TUSC3: variants seen among roughly 807,000 people sequenced by gnomAD.
TUSC3 encodes tumor suppressor candidate 3.
Under a neutral mutation model 44.8 loss-of-function variants are expected in TUSC3, and 45 were observed. The observed-to-expected ratio is 1.00, with a 90% CI of 0.79 to 1.29. The LOEUF (loss-of-function observed/expected upper bound fraction) is 1.29, where lower values mean the gene tolerates loss of function less well. Among genes scored for constraint, TUSC3 ranks in the 50% most tolerant of loss-of-function variants. The pLI is 0.00. For synonymous variants in TUSC3, 212 were observed against 152.9 expected, an observed-to-expected ratio of 1.39 and a Z score of -2.85; for missense variants, 519 against 437.9, an observed-to-expected ratio of 1.19 and a Z score of -1.65.
At chr8:15,496,918 A>C (rs1273600829) in intron 2 of TUSC3, among the ~76,000 whole-genome samples, 1 of 151,798 alleles carries the variant, frequency 6.6e-6, no homozygotes, top group African/African-American at 2.4e-5. Context: ...TTATTCATTC[A>C]TTGCACGAAT....
intron 1 of TUSC3, among the ~76,000 whole-genome samples, chr8:15,551,314 T>G (rs1280886837): frequency 6.6e-6 from 1 of 151,740 alleles, no homozygotes. Context: ...AATATGGTAA[T>G]AGAATGATTT....
intron 2 of TUSC3, among the ~76,000 whole-genome samples, chr8:15,526,479 G>T (rs1398575382): frequency 6.6e-6 from 1 of 152,136 alleles, no homozygotes; most frequent in East Asian, 1.9e-4. Context: ...ATTGTGGGAG[G>T]GACCCAGTGG....
rs558978122 is a variant in TUSC3, at chr8:15,722,253, T to C, written c.799-8413T>C. 3.8e-4 allele frequency among the ~76,000 whole-genome samples: 57 copies of C among 151,554 alleles called. No homozygotes were observed. The South Asian group carries it at 8.9e-3, about 24-fold the overall frequency. On this transcript the variant is annotated intron_variant, in intron 6 of 10. Coordinates refer to ENST00000503731, the MANE Select transcript of TUSC3 (RefSeq NM_006765.4). ...ATTGATGGGTTTTGTTTCTTTCTTT[T>C]TTTTTTTTTTCCTTTACCTACAACA...
chr8:15,590,453 T>TTC (rs1170092135), intron 1 of TUSC3, among the ~76,000 whole-genome samples: 2 of 152,108 alleles, frequency 1.3e-5, no homozygotes, highest in Admixed American at 1.3e-4. Context: ...TCTAACTTTC[T>TTC]TCTCTCTCCC....
the TUSC3 span, among the ~76,000 whole-genome samples, chr8:15,842,379 T>C: frequency 3.9e-5 from 6 of 152,292 alleles, no homozygotes; most frequent in South Asian, 1.2e-3. Flanking sequence ...AAGATTAAAC[T>C]TGATATTGTA....
At chr8:15,555,162 T>G (rs13252787) in intron 1 of TUSC3, among the ~76,000 whole-genome samples, 3,119 of 63,270 alleles carry the variant, frequency 0.049, 42 homozygotes, top group East Asian at 0.13. Flanking sequence ...TTTTTTTTTT[T>G]GGGGGGGACG....
intron 7 of TUSC3, among the ~76,000 whole-genome samples, chr8:15,738,827 C>CTTTTTTTTTTCTTTCTTTCTTTTTTTTTT (rs1373248681): frequency 2.3e-5 from 2 of 87,172 alleles, no homozygotes; most frequent in Non-Finnish European, 4.2e-5. Flanking sequence ...ATATATCTTG[C>CTTTTTTTTTTCTTTCTTTCTTTTTTTTTT]TTTTTTTTTT....
At chr8:15,740,626 CTTATCAGTTT>C (rs1811152399) in intron 7 of TUSC3, among the ~76,000 whole-genome samples, 1 of 152,000 alleles carries the variant, frequency 6.6e-6, no homozygotes, top group African/African-American at 2.4e-5. Flanking sequence ...AACTCTTTTC[CTTATCAGTTT>C]GATAAAATCA....
chr8:15,523,660 ATATATGTG>A (rs1236073802), intron 2 of TUSC3, among the ~76,000 whole-genome samples: 3 of 16,400 alleles, frequency 1.8e-4, no homozygotes, highest in Admixed American at 8.8e-4. Flanking sequence ...ATATATATAT[ATATATGTG>A]TGTGTGTGTG....
At chr8:15,607,202 T>A (rs1341066585) in intron 1 of TUSC3, among the ~76,000 whole-genome samples, 1 of 152,092 alleles carries the variant, frequency 6.6e-6, no homozygotes. Flanking sequence ...GTTAATTCTA[T>A]TTCTGTATTT....
chr8:15,518,861 A>T (rs1475510632), intron 2 of TUSC3, among the ~76,000 whole-genome samples: 2 of 152,170 alleles, frequency 1.3e-5, no homozygotes, highest in African/African-American at 4.8e-5. Context: ...ATATAATCCC[A>T]TTTTAAAATA....
At chr8:15,426,251 A>G (rs1212813579) in intron 1 of TUSC3, among the ~76,000 whole-genome samples, 2 of 152,136 alleles carry the variant, frequency 1.3e-5, no homozygotes, top group African/African-American at 2.4e-5. Context: ...TTCTCTGTGA[A>G]AAGAACACCT....
chr8:15,776,770 G>A, the TUSC3 span, among the ~76,000 whole-genome samples: 1 of 151,880 alleles, frequency 6.6e-6, no homozygotes, highest in Non-Finnish European at 1.5e-5. Flanking sequence ...ATTCTTTTAA[G>A]GCATTCTTCA....
At chr8:15,781,588 C>A in the TUSC3 span, among the ~76,000 whole-genome samples, 1 of 151,448 alleles carries the variant, frequency 6.6e-6, no homozygotes, top group Non-Finnish European at 1.5e-5. Context: ...GAAAAAAATT[C>A]AGAAAGAAAA....
chr8:15,681,128 A>ATT (rs34790529), intron 6 of TUSC3, among the ~76,000 whole-genome samples: 1 of 133,660 alleles, frequency 7.5e-6, no homozygotes, highest in Non-Finnish European at 1.6e-5. Flanking sequence ...TTCATCCTTG[A>ATT]TTTTTTTTTT....
intron 1 of TUSC3, among the ~76,000 whole-genome samples, chr8:15,446,898 CAG>C (rs1800112209): frequency 5.1e-5 from 2 of 39,348 alleles, no homozygotes; most frequent in Non-Finnish European, 1.1e-4. Context: ...GAGTAGGTAA[CAG>C]AAAAAAAAAC....
intron 1 of TUSC3, among the ~76,000 whole-genome samples, chr8:15,621,641 ATATAGATAAATCTATAGCTATATATTTT>A (rs1055908566): frequency 6.7e-6 from 1 of 148,240 alleles, no homozygotes; most frequent in Non-Finnish European, 1.5e-5. Context: ...AGATAAATCT[ATATAGATAAATCTATAGCTATATATTTT>A]TATATATAAA....
rs62502473 is a variant in TUSC3, at chr8:15,510,468, C to T, written n.189+26985C>T. Among the ~76,000 whole-genome samples, 30 of 144,502 alleles carry T rather than the reference C, an allele frequency of 2.1e-4. No homozygotes were observed. In the East Asian group the frequency reaches 5.4e-3, roughly 26 times the overall value. 94.8% of individuals were successfully genotyped at this position (144,502 alleles called of 152,430 possible). A position where few individuals can be genotyped will look rare whatever the true frequency, so the allele number is the denominator to read the frequency against. ...AATGAGGAAATATTATATATAAATG[C>T]ATGCAGTAAATTCACAACTTATGTG... On this transcript the variant is annotated intron_variant and non_coding_transcript_variant, in intron 2 of 5. Transcript: ENST00000503191.
rs149863408 is a variant in TUSC3 at position 15,674,417 on chromosome 8, A to G, written c.798+581A>G. On this transcript the variant is annotated intron_variant, in intron 6 of 10. Coordinates refer to ENST00000503731, the MANE Select transcript of TUSC3 (RefSeq NM_006765.4). The stretch of plus-strand genomic sequence containing the variant: ...AAATACTGTGATAAATCAACATAGA[A>G]ACATACTGTCTTTGAGACAGTATTA... 3.5e-3 allele frequency among the ~76,000 whole-genome samples: 530 copies of G among 152,184 alleles called. 3 individuals carry two copies. The highest frequency in any genetic ancestry group is 0.012 in the African/African-American group (510 of 41,558).
Sources: gnomAD v4.1 joint callset for allele counts (sites outside exome capture counted in the v4.1 genomes callset) on GRCh38, gnomAD v4.1.1 for gene constraint, MANE v1.5 for transcripts, NCBI Gene and HGNC (gene_info 2026-07-23, HGNC 2026-07-21) for gene names.